The following THAP9 variants were observed in gnomAD, a reference collection of about 807,000 sequenced individuals.
THAP9 encodes DNA transposase THAP9.
A neutral mutation model predicts 35.7 loss-of-function variants in THAP9; 20 were observed. The ratio of observed to expected loss-of-function variants is 0.56; its 90% CI spans 0.39 to 0.81. The LOEUF is 0.81. Among genes scored for constraint, THAP9 ranks in the 40% least tolerant of loss-of-function variants. The pLI, the probability that THAP9 is intolerant of heterozygous loss-of-function variation, is 0.00. For synonymous variants in THAP9, 335 were observed against 373.7 expected, an observed-to-expected ratio of 0.90 and a Z score of 1.19; for missense variants, 870 against 1,047.4, an observed-to-expected ratio of 0.83 and a Z score of 2.34.
rs138088252 is a variant in THAP9, at chr4:82,917,421, A to G, written c.1209A>G (p.Ser403=). 1 of 1,614,038 alleles carries G rather than the reference A, an allele frequency of 6.2e-7. No individual in the cohort carries two copies. Among genetic ancestry groups the G allele is most frequent in the Non-Finnish European group, 8.5e-7 (1 of 1,179,960 alleles). Residue 403 remains serine (S), a synonymous_variant, in exon 5 of 5, where the codon TCA becomes TCG. Coordinates refer to ENST00000302236, the MANE Select transcript of THAP9 (RefSeq NM_024672.6). ...TGAAATGTACATTTCAGCATCCTTC[A>G]TCTTCTAGTCAACAGATTGCATACT... ...DDMKCTFQHP[S]SSSQQIAYFF...
rs1181217110 is a variant in THAP9, at chr4:82,918,191, A to G, written c.1979A>G (p.Asp660Gly). Residue 660 changes from aspartate to glycine, a missense_variant, in exon 5 of 5, where the codon GAC (aspartate) becomes GGC (glycine). Asp to Gly is a moderately conservative substitution (Grantham distance 94). Transcript: ENST00000302236. The part of the protein sequence containing the change: ...EVFLSKVSIF[D>G]ISIARRKDLA... ...TTTCTAAGCAAAGTAAGCATCTTTG[A>G]CATTTCAATTGCTCGAAGGAAAGAC... The G allele has an allele frequency of 6.2e-7, 1 of 1,614,212 alleles. No homozygotes were observed. Among genetic ancestry groups the G allele is most frequent in the East Asian group, 2.2e-5 (1 of 44,882 alleles).
intron 4 of THAP9, among the ~76,000 whole-genome samples, chr4:82,914,637 GT>G (rs1164948029): frequency 6.6e-6 from 1 of 152,066 alleles, no homozygotes; most frequent in Non-Finnish European, 1.5e-5. Context: ...AAAAGTGTCT[GT>G]TCATGTCCTT....
intron 1 of THAP9, among the ~76,000 whole-genome samples, chr4:82,904,230 A>AT (rs1720549457): frequency 6.6e-6 from 1 of 151,468 alleles, no homozygotes; most frequent in Non-Finnish European, 1.5e-5. Flanking sequence ...CGTCCGGCTA[A>AT]TTTTTTATAT....
In THAP9 at chr4:82,917,609, C is replaced by T. The variant is rs1721082342; in HGVS notation, c.1397C>T (p.Ala466Val). 1.2e-6 allele frequency: 2 copies of T among 1,613,866 alleles called. No individual in the cohort carries two copies. The highest frequency in any genetic ancestry group is 1.7e-6 in the Non-Finnish European group (2 of 1,179,946). The change falls in exon 5 of 5, where the codon GCA becomes GTA. Residue 466 changes from alanine to valine, a missense_variant. Coordinates refer to ENST00000302236, the MANE Select transcript of THAP9 (RefSeq NM_024672.6). ...ATGGAAAGAATACCAAGTACACTTGCAAATTTGAAAAATCATGTACTGAAA... is the reference window on the plus strand; with the variant it reads ...ATGGAAAGAATACCAAGTACACTTGTAAATTTGAAAAATCATGTACTGAAA... ...SNMERIPSTL[A>V]NLKNHVLKVN...
intron 4 of THAP9, among the ~76,000 whole-genome samples, chr4:82,908,227 G>A (rs897308239): frequency 1.3e-5 from 2 of 152,146 alleles, no homozygotes; most frequent in Admixed American, 1.3e-4. Flanking sequence ...AGTATGACAA[G>A]TTTTTTGCAT....
At position 82,900,778 on chromosome 4, in the gene THAP9, AGGT is replaced by A; in HGVS notation, c.-22_-20del. ...ATTCATGCTGTCGCGGGAACCCCGA[AGGT>A]GGGGCCCCACGTAACAAGAAGATGA... is the stretch of plus-strand genomic sequence containing the variant. On this transcript the variant is annotated 5_prime_UTR_variant, in exon 1 of 5. Coordinates refer to ENST00000302236, the MANE Select transcript of THAP9 (RefSeq NM_024672.6). 1.2e-6 allele frequency: 2 copies of A among 1,613,470 alleles called. No individual in the cohort carries two copies. Among genetic ancestry groups the A allele is most frequent in the African/African-American group, 2.7e-5 (2 of 75,058 alleles).
At chr4:82,905,082 A>C in intron 2 of THAP9, 151 bp downstream of exon 2, 1 of 609,866 alleles carries the variant, frequency 1.6e-6, no homozygotes, top group South Asian at 2.6e-5. Context: ...ATTTAAAAAA[A>C]AAATTATATA....
At chr4:82,901,050 T>TC in intron 1 of THAP9, 168 bp downstream of exon 1, 3 of 815,536 alleles carry the variant, frequency 3.7e-6, no homozygotes, top group South Asian at 1.4e-5. Flanking sequence ...ACTGTGAGAA[T>TC]TGAGATTCTC....
chr4:82,904,702 T>C (rs767004499), intron 1 of THAP9, 34 bp from the exon 2 acceptor site: 2 of 1,598,424 alleles, frequency 1.3e-6, no homozygotes, highest in Non-Finnish European at 1.7e-6. Context: ...TATAATGTTT[T>C]CATGTTAATG....
Position 82,917,668 on chromosome 4 carries a change from G to A in THAP9, c.1456G>A (p.Val486Ile), listed in dbSNP as rs750378182. 6 of 1,613,194 alleles carry A rather than the reference G, an allele frequency of 3.7e-6. No individual in the cohort carries two copies. The Admixed American group carries it at 6.7e-5, about 18-fold the overall frequency. ...TGCCACCCAACTCTTTAGTGAGAGTGTAGCCAGTGCATTAGAATATTTGTT... is the reference window on the plus strand; with the variant it reads ...TGCCACCCAACTCTTTAGTGAGAGTATAGCCAGTGCATTAGAATATTTGTT... The part of the protein sequence containing the change: ...NSATQLFSES[V>I]ASALEYLLSL... The change falls in exon 5 of 5, where the codon GTA becomes ATA. Residue 486 changes from valine to isoleucine, a missense_variant. By Grantham distance (29) the Val-to-Ile change is conservative. Coordinates refer to ENST00000302236, the MANE Select transcript of THAP9 (RefSeq NM_024672.6).
chr4:82,907,943 AATT>A lies in THAP9; in HGVS notation c.731+12_731+14del, dbSNP rs560448087. On this transcript the variant is annotated intron_variant, in intron 4 of 4. Coordinates refer to ENST00000302236, the MANE Select transcript of THAP9 (RefSeq NM_024672.6). ...TTCTTCCATCCTCAGAACGTAAGTG[AATT>A]ATTTTTTTATTTTTTAAAAGTGACT... 140 of 1,604,494 alleles carry A rather than the reference AATT, an allele frequency of 8.7e-5. No homozygotes were observed. In the African/African-American group the frequency reaches 1.7e-3, roughly 19 times the overall value.
At chr4:82,909,763 T>G (rs1720799034) in intron 4 of THAP9, among the ~76,000 whole-genome samples, 1 of 152,172 alleles carries the variant, frequency 6.6e-6, no homozygotes, top group Non-Finnish European at 1.5e-5. Flanking sequence ...TTATAAATAT[T>G]CACTTTTTGC....
intron 4 of THAP9, among the ~76,000 whole-genome samples, chr4:82,916,635 T>A (rs1193024770): frequency 1.3e-5 from 2 of 152,242 alleles, no homozygotes; most frequent in Non-Finnish European, 2.9e-5. Context: ...GTAAGACTTG[T>A]TTATGATTTA....
In THAP9 at chr4:82,904,743, A is replaced by G. The variant is rs758566957; in HGVS notation, c.88A>G (p.Thr30Ala). The change falls in exon 2 of 5, where the codon ACT (threonine) becomes GCT (alanine). Residue 30 changes from threonine to alanine, a missense_variant. Thr to Ala is a moderately conservative substitution (Grantham distance 58). Around this residue, in one of 3 missense-constraint regions of THAP9, gnomAD observed 440 missense variants for 501.2 expected, o/e 0.88. Transcript: ENST00000302236. ...TTAATGTGATTGTCATAGATTTCCA[A>G]CTGATACCATACAGCGCTCAAAATG... ...ERGLSFHQFP[T>A]DTIQRSKWIR... 5 of 1,614,032 alleles carry G rather than the reference A, an allele frequency of 3.1e-6. No individual in the cohort carries two copies. Among genetic ancestry groups the G allele is most frequent in the Non-Finnish European group, 4.2e-6 (5 of 1,180,028 alleles).
intron 2 of THAP9, 155 bp downstream of exon 2, chr4:82,905,086 T>A (rs538372790): frequency 8.5e-6 from 5 of 588,650 alleles, no homozygotes; most frequent in East Asian, 2.9e-5. Flanking sequence ...AAAAAAAAAA[T>A]TATATATATT....
intron 4 of THAP9, among the ~76,000 whole-genome samples, chr4:82,909,510 C>T (rs964950379): frequency 3.3e-5 from 5 of 151,568 alleles, no homozygotes; most frequent in Admixed American, 1.3e-4. Context: ...CCTTTTATTA[C>T]TTTATTATGT....
rs748061296 is a variant in THAP9 at position 82,909,463 on chromosome 4, CAT to C, written c.731+1530_731+1531del. 4.0e-5 allele frequency among the ~76,000 whole-genome samples: 6 copies of C among 151,456 alleles called. No individual in the cohort carries two copies. The East Asian group carries it at 9.7e-4, about 24-fold the overall frequency. ...GTGCACTTAGATTTATTAGTGTTTA[CAT>C]AGTTATGATCTTTTGTAAATAAATT... On this transcript the variant is annotated intron_variant, in intron 4 of 4. Coordinates refer to ENST00000302236, the MANE Select transcript of THAP9 (RefSeq NM_024672.6).
At chr4:82,916,874 T>C in intron 4 of THAP9, 70 bp from the exon 5 acceptor site, 1 of 1,376,904 alleles carries the variant, frequency 7.3e-7, no homozygotes, top group Non-Finnish European at 9.7e-7. Flanking sequence ...ACTTTAATAG[T>C]GCTTAAGGCA....
intron 1 of THAP9, 118 bp from the exon 2 acceptor site, chr4:82,904,618 C>T (rs1720567169): frequency 4.5e-6 from 4 of 893,026 alleles, no homozygotes; most frequent in Non-Finnish European, 3.3e-6. Flanking sequence ...ACTTTTAATT[C>T]ACTTGGCTTT....
Sources: gnomAD v4.1 joint callset for allele counts (sites outside exome capture counted in the v4.1 genomes callset) on GRCh38, gnomAD v4.1.1 for gene constraint, gnomAD v4.1.1 regional missense constraint, MANE v1.5 for transcripts, NCBI Gene and HGNC (gene_info 2026-07-23, HGNC 2026-07-21) for gene names.